The following GALNT14 variants were observed in gnomAD, a reference collection of about 807,000 sequenced individuals.
GALNT14 encodes UDP-GalNAc:polypeptide N-acetylgalactosaminyltransferase 14.
In GALNT14, 60 loss-of-function variants were observed where a neutral mutation model predicts 77.5. The observed-to-expected ratio is 0.77, with a 90% CI of 0.63 to 0.96. GALNT14 has a LOEUF of 0.96. GALNT14 is among the 40% of genes least tolerant of loss of function. The pLI is 0.00. For synonymous variants in GALNT14, 280 were observed against 281.7 expected (o/e 0.99, Z 0.06); for missense variants, 710 against 731.0 (o/e 0.97, Z 0.33).
chr2:31,129,424 T>C (rs1317025419), intron 1 of GALNT14: 2 of 985,354 alleles, frequency 2.0e-6, no homozygotes, highest in Non-Finnish European at 2.4e-6. Context: ...GTCTTTCAGC[T>C]AGCTCCTCTT....
intron 1 of GALNT14, among the ~76,000 whole-genome samples, chr2:31,005,604 G>A (rs543065008): frequency 9.2e-5 from 14 of 152,270 alleles, no homozygotes; most frequent in Admixed American, 3.9e-4. Context: ...GAGGGAAAAC[G>A]CAATTTACAG....
In GALNT14 at chr2:31,042,016, C is replaced by T. The variant is rs138635234; in HGVS notation, c.130-49009G>A. On this transcript the variant is annotated intron_variant, in intron 1 of 14. Transcript: ENST00000349752. The stretch of plus-strand genomic sequence containing the variant: ...GAGCTCAGGATAAAATGTCCTGAAC[C>T]TAAGGTCCCAGTGGACCACTCTGAT... Among the ~76,000 whole-genome samples, 799 of 152,206 alleles carry T rather than the reference C, an allele frequency of 5.2e-3. 8 individuals are homozygous for T. Among genetic ancestry groups the T allele is most frequent in the African/African-American group, 0.019 (776 of 41,516 alleles).
intron 8 of GALNT14, among the ~76,000 whole-genome samples, chr2:30,943,805 G>A (rs1666520750): frequency 6.6e-6 from 1 of 152,194 alleles, no homozygotes; most frequent in Non-Finnish European, 1.5e-5. Context: ...GCCTGGAGGA[G>A]CAAGGAGGGG....
At position 30,955,740 on chromosome 2, in the gene GALNT14, C is replaced by G. The variant is rs1444188978; in HGVS notation, c.533-1G>C. 1.1e-5 allele frequency: 18 copies of G among 1,614,062 alleles called. No homozygotes were observed. The highest frequency in any genetic ancestry group is 1.4e-5 in the Non-Finnish European group (17 of 1,180,004). ...CCCCGAATCCGGGACCGGACCAGAC[C>G]TGCAGTCAGGAACAAATGACGAAGT... On this transcript the variant is annotated splice_acceptor_variant, in intron 5 of 14. Coordinates refer to ENST00000349752, the MANE Select transcript of GALNT14 (RefSeq NM_024572.4). LOFTEE classifies it high-confidence loss of function.
At chr2:31,100,212 A>G (rs1358987145) in intron 1 of GALNT14, among the ~76,000 whole-genome samples, 3 of 152,056 alleles carry the variant, frequency 2.0e-5, no homozygotes, top group Non-Finnish European at 4.4e-5. Flanking sequence ...TTTAAGCACA[A>G]TGATGTACAA....
chr2:30,918,342 T>C (rs1301967806), intron 13 of GALNT14, among the ~76,000 whole-genome samples: 1 of 152,248 alleles, frequency 6.6e-6, no homozygotes, highest in African/African-American at 2.4e-5. Flanking sequence ...TACTCAACTC[T>C]GTACCACAGT....
At chr2:31,078,811 A>G (rs1675975675) in intron 1 of GALNT14, 2 of 761,894 alleles carry the variant, frequency 2.6e-6, no homozygotes, top group Non-Finnish European at 3.8e-6. Flanking sequence ...GGCACACAAG[A>G]TGAAGGCAAG....
chr2:31,052,010 G>C (rs1005806455), intron 1 of GALNT14, among the ~76,000 whole-genome samples: 1 of 152,074 alleles, frequency 6.6e-6, no homozygotes, highest in African/African-American at 2.4e-5. Context: ...CATTTCCTCA[G>C]TGGTGACCAA....
intron 1 of GALNT14, among the ~76,000 whole-genome samples, chr2:31,105,042 G>A (rs1378831048): frequency 2.6e-5 from 4 of 152,316 alleles, no homozygotes; most frequent in Non-Finnish European, 4.4e-5. Context: ...CGGTGACCAA[G>A]TGGTGAATAT....
chr2:31,058,710 C>G (rs936581368), intron 1 of GALNT14, among the ~76,000 whole-genome samples: 1 of 152,208 alleles, frequency 6.6e-6, no homozygotes, highest in Non-Finnish European at 1.5e-5. Flanking sequence ...CTGGCACATG[C>G]ACAGACCTTT....
intron 1 of GALNT14, among the ~76,000 whole-genome samples, chr2:31,049,636 CAGGGA>C (rs1436515939): frequency 6.6e-6 from 1 of 152,160 alleles, no homozygotes; most frequent in Admixed American, 6.5e-5. Flanking sequence ...GAAGCAGCCA[CAGGGA>C]AAAGCAGGAA....
intron 1 of GALNT14, among the ~76,000 whole-genome samples, chr2:31,032,248 T>C (rs1672462237): frequency 6.6e-6 from 1 of 152,142 alleles, no homozygotes; most frequent in Non-Finnish European, 1.5e-5. Context: ...CCTGGGGAAC[T>C]GGTGGGGATG....
intron 1 of GALNT14, among the ~76,000 whole-genome samples, chr2:31,096,576 T>C (rs957968762): frequency 6.6e-6 from 1 of 152,152 alleles, no homozygotes; most frequent in Non-Finnish European, 1.5e-5. Context: ...TCTCATTTGA[T>C]CCCTGCACCA....
intron 1 of GALNT14, among the ~76,000 whole-genome samples, chr2:31,067,935 G>A (rs1472620709): frequency 6.6e-6 from 1 of 152,146 alleles, no homozygotes; most frequent in Non-Finnish European, 1.5e-5. Context: ...GAAGGCTGGG[G>A]ACTTGGGCCC....
At chr2:31,072,280 CATACACACACACACACACACACAT>C (rs777121824) in intron 1 of GALNT14, among the ~76,000 whole-genome samples, 15 of 124,668 alleles carry the variant, frequency 1.2e-4, no homozygotes, top group South Asian at 9.7e-4. Context: ...CACACACACA[CATACACACACACACACACACACAT>C]ACACACACAC....
At chr2:30,890,510 A>G in the GALNT14 span, among the ~76,000 whole-genome samples, 101 of 152,318 alleles carry the variant, frequency 6.6e-4, no homozygotes, top group Middle Eastern at 0.017. Flanking sequence ...GTGCTTATCC[A>G]ATGGTAGAGA....
intron 2 of GALNT14, among the ~76,000 whole-genome samples, chr2:30,992,237 G>A (rs182447728): frequency 8.8e-4 from 134 of 152,240 alleles, no homozygotes; most frequent in African/African-American, 1.8e-3. Context: ...AACTTTCTAC[G>A]TAGCTCCAGG....
chr2:30,957,851 T>G (rs6548046), intron 4 of GALNT14, among the ~76,000 whole-genome samples: 66,431 of 151,972 alleles, frequency 0.44, 15,416 homozygotes, highest in East Asian at 0.66. Flanking sequence ...GGCCTTCAGG[T>G]GAGGTGTCGG....
At chr2:31,006,218 C>A (rs1043147947) in intron 1 of GALNT14, among the ~76,000 whole-genome samples, 4 of 152,240 alleles carry the variant, frequency 2.6e-5, no homozygotes, top group African/African-American at 9.6e-5. Flanking sequence ...TAGGTTCTTG[C>A]CAGGCAAAGA....
Sources: gnomAD v4.1 joint callset for allele counts (sites outside exome capture counted in the v4.1 genomes callset) on GRCh38, gnomAD v4.1.1 for gene constraint, MANE v1.5 for transcripts, NCBI Gene and HGNC (gene_info 2026-07-23, HGNC 2026-07-21) for gene names.